The following GRIK2 variants were observed in gnomAD, a reference collection of about 807,000 sequenced individuals.
GRIK2 encodes glutamate receptor ionotropic, kainate 2.
In GRIK2, 32 loss-of-function variants were observed where a neutral mutation model predicts 100.3. The ratio of observed to expected loss-of-function variants is 0.32; its 90% confidence interval spans 0.24 to 0.43. The LOEUF (loss-of-function observed/expected upper bound fraction) is 0.43, where lower values mean the gene tolerates loss of function less well. Ranked by LOEUF, GRIK2 falls within the 20% of genes least tolerant of loss-of-function variation. The probability of loss-of-function intolerance (pLI) is 1.00; values close to 1 mark genes in which losing one functional copy is unlikely to be tolerated. For synonymous variants in GRIK2, 417 were observed against 389.4 expected (o/e 1.07, Z -0.83); for missense variants, 843 against 1,114.9 (o/e 0.76, Z 3.47).
intron 14 of GRIK2, among the ~76,000 whole-genome samples, chr6:101,983,321 T>C (rs1793826756): frequency 6.6e-6 from 1 of 151,860 alleles, no homozygotes; most frequent in South Asian, 2.1e-4. Flanking sequence ...TTTTGCATGT[T>C]AGTTTAAGCA....
intron 11 of GRIK2, among the ~76,000 whole-genome samples, chr6:101,883,988 G>A (rs1786443866): frequency 6.6e-6 from 1 of 152,132 alleles, no homozygotes; most frequent in Non-Finnish European, 1.5e-5. Flanking sequence ...GGATAGAAAA[G>A]AGATTCTAGT....
intron 11 of GRIK2, among the ~76,000 whole-genome samples, chr6:101,876,194 G>T (rs1294877998): frequency 6.6e-6 from 1 of 151,702 alleles, no homozygotes; most frequent in African/African-American, 2.4e-5. Context: ...ACACGAAATT[G>T]TCATTTTTGT....
intron 2 of GRIK2, among the ~76,000 whole-genome samples, chr6:101,558,932 C>T (rs1380999607): frequency 3.5e-4 from 53 of 151,864 alleles, no homozygotes; most frequent in South Asian, 2.1e-4. Flanking sequence ...AACAGATCAC[C>T]GTATATTTAT....
intron 16 of GRIK2, among the ~76,000 whole-genome samples, chr6:102,062,786 T>C (rs12198680): frequency 0.08 from 12,102 of 150,606 alleles, 638 homozygotes; most frequent in Middle Eastern, 0.17. Context: ...AAAACAGTTA[T>C]ATTCACAAGA....
Position 101,970,875 on chromosome 6 carries a change from A to G in GRIK2, c.2085+42243A>G, listed in dbSNP as rs141495056. ...TGAAAAAACAAATTTTGCAGAAGTG[A>G]AGGCAAAAAATGAAGGCATATCCAA... On this transcript the variant is annotated intron_variant, in intron 14 of 16. Coordinates refer to ENST00000369134, the MANE Select transcript of GRIK2 (RefSeq NM_021956.5). 4.9e-3 allele frequency among the ~76,000 whole-genome samples: 746 copies of G among 150,904 alleles called. 57 individuals carry two copies. The highest frequency in any genetic ancestry group is 0.018 in the African/African-American group (729 of 40,362).
intron 2 of GRIK2, among the ~76,000 whole-genome samples, chr6:101,415,262 ATATTT>A (rs1272992016): frequency 6.6e-6 from 1 of 151,540 alleles, no homozygotes; most frequent in East Asian, 1.9e-4. Flanking sequence ...ACCATAAGTA[ATATTT>A]TATATTTATC....
rs189272342 is a variant in GRIK2, at chr6:101,418,861, T to A, written c.115+19469T>A. 4.1e-4 allele frequency among the ~76,000 whole-genome samples: 63 copies of A among 152,330 alleles called. 1 individual carries two copies. The highest frequency in any genetic ancestry group is 6.8e-4 in the Non-Finnish European group (46 of 68,032). On this transcript the variant is annotated intron_variant, in intron 2 of 16. Coordinates refer to ENST00000369134, the MANE Select transcript of GRIK2 (RefSeq NM_021956.5). ...CCTCAAACTCATGTAATTTTCAATT[T>A]TCTCTCATTTATTTGAAAGCCCCAG...
At chr6:101,780,529 GCA>G (rs1229125516) in intron 7 of GRIK2, among the ~76,000 whole-genome samples, 1 of 152,078 alleles carries the variant, frequency 6.6e-6, no homozygotes, top group Non-Finnish European at 1.5e-5. Context: ...AAAGAAATCA[GCA>G]CAGTTCTGTG....
chr6:101,798,045 T>C (rs1357144736), intron 7 of GRIK2, among the ~76,000 whole-genome samples: 1 of 150,738 alleles, frequency 6.6e-6, no homozygotes, highest in Non-Finnish European at 1.5e-5. Flanking sequence ...TTCCACTCTT[T>C]TTTTTTTTTT....
chr6:101,833,681 A>G (rs1262592981), intron 10 of GRIK2, among the ~76,000 whole-genome samples: 1 of 147,966 alleles, frequency 6.8e-6, no homozygotes. Context: ...TGTACTTATT[A>G]TGATTAATAT....
At chr6:101,750,116 T>C (rs1776694953) in intron 7 of GRIK2, among the ~76,000 whole-genome samples, 1 of 152,044 alleles carries the variant, frequency 6.6e-6, no homozygotes, top group Admixed American at 6.6e-5. Flanking sequence ...CACCCAGCAG[T>C]GTGTGCCAGT....
At chr6:101,831,996 A>G (rs1782730531) in intron 10 of GRIK2, among the ~76,000 whole-genome samples, 1 of 152,096 alleles carries the variant, frequency 6.6e-6, no homozygotes, top group Non-Finnish European at 1.5e-5. Flanking sequence ...GCTTGGTATC[A>G]TCTGTAGGCT....
chr6:101,904,968 A>G (rs984331574), intron 12 of GRIK2, among the ~76,000 whole-genome samples: 1 of 151,548 alleles, frequency 6.6e-6, no homozygotes, highest in African/African-American at 2.4e-5. Context: ...ATGACAAACA[A>G]TGTACAAGCA....
chr6:102,024,480 A>G (rs1052637939), intron 14 of GRIK2, among the ~76,000 whole-genome samples: 1 of 151,308 alleles, frequency 6.6e-6, no homozygotes, highest in Non-Finnish European at 1.5e-5. Context: ...AGGAGAAGCA[A>G]ACATCTGTAT....
intron 14 of GRIK2, among the ~76,000 whole-genome samples, chr6:101,946,761 G>A (rs750826203): frequency 1.3e-5 from 2 of 152,112 alleles, no homozygotes; most frequent in Non-Finnish European, 2.9e-5. Flanking sequence ...GTGTTTAAAA[G>A]TTGGAGAGGG....
chr6:101,885,815 C>T (rs1786571131), intron 11 of GRIK2, among the ~76,000 whole-genome samples: 1 of 151,846 alleles, frequency 6.6e-6, no homozygotes, highest in African/African-American at 2.4e-5. Flanking sequence ...CTTTCCTGGA[C>T]CCCCTCCCTT....
rs1485728303 is a variant in GRIK2 at position 101,592,156 on chromosome 6, C to T, written c.116-29793C>T. On this transcript the variant is annotated intron_variant, in intron 2 of 16. Transcript: ENST00000369134. ...GCCAGCATCATGCTTCCTGTACAGC[C>T]TGCAGAACCATGAGCCAAAATTAAA... Among the ~76,000 whole-genome samples the T allele has an allele frequency of 1.3e-5, 2 of 151,998 alleles. 1 individual carries two copies. The highest frequency in any genetic ancestry group is 2.9e-5 in the Non-Finnish European group (2 of 67,976).
intron 10 of GRIK2, among the ~76,000 whole-genome samples, chr6:101,837,868 C>G (rs60515557): frequency 0.11 from 17,266 of 151,938 alleles, 2,766 homozygotes; most frequent in African/African-American, 0.36. Flanking sequence ...TTTCCTGGGG[C>G]CTTATATTTA....
At chr6:101,548,076 A>G (rs2128291278) in intron 2 of GRIK2, among the ~76,000 whole-genome samples, 1 of 151,972 alleles carries the variant, frequency 6.6e-6, no homozygotes, top group Middle Eastern at 3.4e-3. Context: ...GCCAGTGATG[A>G]TGAGCATTTT....
Sources: gnomAD v4.1 joint callset for allele counts (sites outside exome capture counted in the v4.1 genomes callset) on GRCh38, gnomAD v4.1.1 for gene constraint, MANE v1.5 for transcripts, NCBI Gene and HGNC (gene_info 2026-07-23, HGNC 2026-07-21) for gene names.